The following MAF variants were observed in gnomAD, a reference collection of about 807,000 sequenced individuals.
The protein encoded by MAF is MAF bZIP transcription factor, also known as transcription factor Maf.
MAF carries 10 observed loss-of-function variants against 22.0 expected under a neutral mutation model. The ratio of observed to expected loss-of-function variants is 0.45; its 90% CI spans 0.28 to 0.77. MAF has a LOEUF of 0.77. Among genes scored for constraint, MAF ranks in the 30% least tolerant of loss-of-function variants. The pLI, the probability that MAF is intolerant of heterozygous loss-of-function variation, is 0.12. For missense variants in MAF, 544 were observed against 548.4 expected (o/e 0.99, Z 0.08); for synonymous variants, 337 against 255.8 (o/e 1.32, Z -3.03).
At chr16:79,540,395 C>G in the MAF span, among the ~76,000 whole-genome samples, 2 of 152,130 alleles carry the variant, frequency 1.3e-5, no homozygotes, top group African/African-American at 2.4e-5. Context: ...ACCAAACAAA[C>G]CTGATTCCAA....
At chr16:79,213,719 T>A in the MAF span, among the ~76,000 whole-genome samples, 1 of 152,252 alleles carries the variant, frequency 6.6e-6, no homozygotes, top group African/African-American at 2.4e-5. Flanking sequence ...AGTGAGGCCA[T>A]CCCAGACTAT....
the MAF span, among the ~76,000 whole-genome samples, chr16:79,551,790 C>T: frequency 6.6e-6 from 1 of 152,122 alleles, no homozygotes; most frequent in Non-Finnish European, 1.5e-5. Flanking sequence ...ATCTATCATC[C>T]ACGGATGCTT....
chr16:79,240,140 CG>C, the MAF span, among the ~76,000 whole-genome samples: 1 of 151,224 alleles, frequency 6.6e-6, no homozygotes, highest in Non-Finnish European at 1.5e-5. Flanking sequence ...GGTCCCATGG[CG>C]GGGGGTGTAA....
At chr16:79,341,103 A>G in the MAF span, among the ~76,000 whole-genome samples, 2 of 152,226 alleles carry the variant, frequency 1.3e-5, no homozygotes. Flanking sequence ...GTGATGGAGC[A>G]GAGTGTAGGG....
chr16:79,381,272 G>T, the MAF span, among the ~76,000 whole-genome samples: 1 of 152,202 alleles, frequency 6.6e-6, no homozygotes, highest in Non-Finnish European at 1.5e-5. Context: ...ACTAATTGTG[G>T]TTTTAACAAG....
At chr16:79,462,980 C>G in the MAF span, among the ~76,000 whole-genome samples, 1 of 152,144 alleles carries the variant, frequency 6.6e-6, no homozygotes, top group African/African-American at 2.4e-5. Context: ...AAGGATGGGC[C>G]TGTTTTAATC....
At chr16:79,399,154 C>G in the MAF span, among the ~76,000 whole-genome samples, 1 of 152,190 alleles carries the variant, frequency 6.6e-6, no homozygotes, top group Non-Finnish European at 1.5e-5. Context: ...TGAATTCCTA[C>G]TCTAGCCTTG....
the MAF span, among the ~76,000 whole-genome samples, chr16:79,388,502 C>G: frequency 7.9e-5 from 12 of 152,178 alleles, no homozygotes; most frequent in Non-Finnish European, 1.3e-4. Flanking sequence ...TTTTCTTTCT[C>G]TTTTTTCTTG....
chr16:79,205,093 C>T, the MAF span: 18,608 of 152,232 alleles, frequency 0.12, 2,089 homozygotes, highest in African/African-American at 0.3. Flanking sequence ...CACAGGACAG[C>T]TCACAGGTTC....
the MAF span, among the ~76,000 whole-genome samples, chr16:79,420,628 G>T: frequency 3.9e-5 from 6 of 152,152 alleles, no homozygotes; most frequent in African/African-American, 9.7e-5. Flanking sequence ...TTTCATCAGG[G>T]TTCACTTTAG....
chr16:79,378,304 C>A, the MAF span, among the ~76,000 whole-genome samples: 1 of 152,172 alleles, frequency 6.6e-6, no homozygotes, highest in East Asian at 1.9e-4. Context: ...AGTGGACTTA[C>A]TATGCAACAG....
the MAF span, among the ~76,000 whole-genome samples, chr16:79,493,348 A>AT: frequency 6.6e-6 from 1 of 151,914 alleles, no homozygotes. Flanking sequence ...CGCCCAGCTA[A>AT]TTTTTGTATT....
At chr16:79,352,229 G>A in the MAF span, among the ~76,000 whole-genome samples, 4 of 152,144 alleles carry the variant, frequency 2.6e-5, no homozygotes, top group South Asian at 2.1e-4. Flanking sequence ...GCCAAGCTCC[G>A]GGCAAGAATA....
At chr16:79,547,473 T>C in the MAF span, among the ~76,000 whole-genome samples, 1 of 152,178 alleles carries the variant, frequency 6.6e-6, no homozygotes, top group Admixed American at 6.5e-5. Flanking sequence ...AGCATCCAAA[T>C]TTATACACAC....
At chr16:79,508,735 CATT>C in the MAF span, among the ~76,000 whole-genome samples, 2 of 152,176 alleles carry the variant, frequency 1.3e-5, no homozygotes, top group Non-Finnish European at 2.9e-5. Context: ...ACCTCAAAAA[CATT>C]ATGGTAATTG....
chr16:79,435,041 G>C, the MAF span, among the ~76,000 whole-genome samples: 2 of 152,168 alleles, frequency 1.3e-5, no homozygotes, highest in African/African-American at 4.8e-5. Flanking sequence ...GTGTGGAGAA[G>C]CGAAGTGAGT....
At chr16:79,291,500 C>T in the MAF span, among the ~76,000 whole-genome samples, 2 of 151,910 alleles carry the variant, frequency 1.3e-5, no homozygotes, top group African/African-American at 4.8e-5. Flanking sequence ...AGTCTCCTTA[C>T]CTTTTCCTTT....
chr16:79,497,898 G>GT, the MAF span, among the ~76,000 whole-genome samples: 1 of 152,202 alleles, frequency 6.6e-6, no homozygotes, highest in African/African-American at 2.4e-5. Flanking sequence ...ATTGACTCAT[G>GT]TATTTCACCA....
chr16:79,548,428 G>A, the MAF span, among the ~76,000 whole-genome samples: 1 of 152,116 alleles, frequency 6.6e-6, no homozygotes, highest in African/African-American at 2.4e-5. Context: ...AGAAGCTTAA[G>A]ATATAACAAG....
Sources: allele counts gnomAD v4.1 joint callset (sites outside exome capture counted in the v4.1 genomes callset), GRCh38; gene constraint gnomAD v4.1.1; transcripts MANE v1.5; gene names NCBI Gene and HGNC (gene_info 2026-07-23, HGNC 2026-07-21).